PARD3B: variants seen among roughly 807,000 people sequenced by gnomAD.
The protein encoded by PARD3B is partitioning defective 3 homolog B.
Under a neutral mutation model 130.2 loss-of-function variants are expected in PARD3B, and 103 were observed. The observed-to-expected ratio is 0.79, with a 90% CI of 0.67 to 0.93. PARD3B has a LOEUF of 0.93. Ranked by LOEUF, PARD3B falls within the 40% of genes least tolerant of loss-of-function variation. PARD3B has a pLI of 0.00. For missense variants in PARD3B, 1,609 were observed against 1,499.2 expected (o/e 1.07, Z -1.21); for synonymous variants, 583 against 553.2 (o/e 1.05, Z -0.76).
chr2:205,246,937 C>G (rs2039598433), intron 16 of PARD3B, among the ~76,000 whole-genome samples: 1 of 152,178 alleles, frequency 6.6e-6, no homozygotes, highest in Non-Finnish European at 1.5e-5. Context: ...TCCCAACATC[C>G]TCTTCCATTA....
chr2:205,589,466 G>C lies in PARD3B; in HGVS notation c.3261-25990G>C, dbSNP rs1020441396. On this transcript the variant is annotated intron_variant, in intron 22 of 22. Coordinates refer to ENST00000406610, the MANE Select transcript of PARD3B (RefSeq NM_001302769.2). This position sits in a 1 kb window ranked among gnomAD's most constrained non-coding sequence, Gnocchi z 4.1. ...ATCTCAAATGCTGTCTCTAAACAGA[G>C]AGATGCAGACAGAGATGAGGAACTA... 6.6e-6 allele frequency among the ~76,000 whole-genome samples: 1 copy of C among 152,282 alleles called. No homozygotes were observed. Among genetic ancestry groups the C allele is most frequent in the South Asian group, 2.1e-4 (1 of 4,820 alleles).
chr2:204,865,890 T>C (rs530662799), intron 2 of PARD3B, among the ~76,000 whole-genome samples: 1 of 152,338 alleles, frequency 6.6e-6, no homozygotes, highest in East Asian at 1.9e-4. Flanking sequence ...ATTTATAAGC[T>C]ACATGGACCT....
At chr2:205,005,260 TAA>T (rs1456195553) in intron 3 of PARD3B, among the ~76,000 whole-genome samples, 1 of 152,038 alleles carries the variant, frequency 6.6e-6, no homozygotes, top group African/African-American at 2.4e-5. Context: ...GAAAATAATA[TAA>T]GTGTGAAGTA....
chr2:205,570,031 C>T (rs548515940), intron 22 of PARD3B, among the ~76,000 whole-genome samples: 1 of 152,040 alleles, frequency 6.6e-6, no homozygotes, highest in African/African-American at 2.4e-5. Flanking sequence ...TGGGAGTTGC[C>T]TTTTAATTTC....
At chr2:204,761,312 T>A (rs888152053) in intron 2 of PARD3B, among the ~76,000 whole-genome samples, 12 of 152,212 alleles carry the variant, frequency 7.9e-5, no homozygotes, top group Non-Finnish European at 1.3e-4. Flanking sequence ...AACCACATTT[T>A]ATGATCCTTG....
At chr2:205,472,305 ACTTTCT>A (rs2048863256) in intron 20 of PARD3B, among the ~76,000 whole-genome samples, 2 of 152,044 alleles carry the variant, frequency 1.3e-5, no homozygotes, top group Non-Finnish European at 2.9e-5. Flanking sequence ...ACACACACAC[ACTTTCT>A]CTTTAGTGCC....
At chr2:205,565,036 A>G (rs2878751) in intron 22 of PARD3B, among the ~76,000 whole-genome samples, 145,533 of 152,228 alleles carry the variant, frequency 0.96, 69,880 homozygotes, top group East Asian at 1. Flanking sequence ...CCAACAGTAC[A>G]CTCTGGGACA....
At chr2:204,694,206 G>A (rs2037501410) in intron 2 of PARD3B, among the ~76,000 whole-genome samples, 1 of 151,982 alleles carries the variant, frequency 6.6e-6, no homozygotes, top group Non-Finnish European at 1.5e-5. Flanking sequence ...AGATCAAGGT[G>A]AAATTGTATT....
intron 16 of PARD3B, among the ~76,000 whole-genome samples, chr2:205,262,656 A>G (rs549488797): frequency 1.0e-3 from 155 of 152,218 alleles, no homozygotes; most frequent in African/African-American, 3.6e-3. Context: ...TTTCTTGTGA[A>G]TTGTCTTCAG....
Position 205,461,366 on chromosome 2 carries a change from G to C in PARD3B, c.3044+20694G>C, listed in dbSNP as rs2048447634. The stretch of plus-strand genomic sequence containing the variant: ...TACCAACACCAAGCAAGAGGATAAA[G>C]AGCAGAGGCTTAGTAAATGGATGAG... On this transcript the variant is annotated intron_variant, in intron 20 of 22. Transcript: ENST00000406610. This position sits in a 1 kb window ranked among gnomAD's most constrained non-coding sequence, Gnocchi z 4.3. Among the ~76,000 whole-genome samples, 1 of 152,178 alleles carries C rather than the reference G, an allele frequency of 6.6e-6. No homozygotes were observed. The highest frequency in any genetic ancestry group is 6.5e-5 in the Admixed American group (1 of 15,284).
chr2:205,185,859 C>A lies in PARD3B; in HGVS notation c.2020C>A (p.His674Asn). 6.2e-7 allele frequency: 1 copy of A among 1,610,230 alleles called. No homozygotes were observed. Among genetic ancestry groups the A allele is most frequent in the Non-Finnish European group, 8.5e-7 (1 of 1,176,490 alleles). Residue 674 changes from histidine to asparagine, a missense_variant, in exon 14 of 23, where the codon CAC becomes AAC. By Grantham distance (68) the His-to-Asn change is moderately conservative. Coordinates refer to ENST00000406610, the MANE Select transcript of PARD3B (RefSeq NM_001302769.2). ...GGGATTGGGCCTCGAAGATTACAGC[C>A]ACAGGTATTGATAAAATGATGTATC... ...ALGLGLEDYS[H>N]SSGVDSAVYF... is the part of the protein sequence containing the mutation.
In PARD3B at chr2:204,603,107, G is replaced by C. The variant is rs982761791; in HGVS notation, c.120+56988G>C. 7.2e-4 allele frequency among the ~76,000 whole-genome samples: 109 copies of C among 152,124 alleles called. 1 individual carries two copies. Among genetic ancestry groups the C allele is most frequent in the Non-Finnish European group, 1.2e-4 (8 of 68,002 alleles). On this transcript the variant is annotated intron_variant, in intron 1 of 22. Coordinates refer to ENST00000406610, the MANE Select transcript of PARD3B (RefSeq NM_001302769.2). ...AAAAGAGCCTTCCTGCTCAGCACAG[G>C]AATGAGGAAGGGTAGATAGATGGAA... is the stretch of plus-strand genomic sequence containing the variant.
chr2:205,528,287 G>C, intron 21 of PARD3B, among the ~76,000 whole-genome samples: 1 of 152,128 alleles, frequency 6.6e-6, no homozygotes, highest in Non-Finnish European at 1.5e-5. Context: ...ACTTATTTAA[G>C]AAGTCATGCA....
chr2:205,475,492 G>A (rs972211083), intron 20 of PARD3B, among the ~76,000 whole-genome samples: 1 of 152,050 alleles, frequency 6.6e-6, no homozygotes, highest in Non-Finnish European at 1.5e-5. Flanking sequence ...CTTCATCATC[G>A]CAGAGAGCAA....
rs2051529505 is a variant in PARD3B, at chr2:205,530,232, A to G, written c.3181-23092A>G. 6.6e-6 allele frequency among the ~76,000 whole-genome samples: 1 copy of G among 152,174 alleles called. No individual in the cohort carries two copies. Among genetic ancestry groups the G allele is most frequent in the Non-Finnish European group, 1.5e-5 (1 of 68,040 alleles). ...CATTTATGTTTCTAGTGAAGTTTGG[A>G]GAAAACGTATTATCCTAATATGCTT... On this transcript the variant is annotated intron_variant, in intron 21 of 22. Coordinates refer to ENST00000406610, the MANE Select transcript of PARD3B (RefSeq NM_001302769.2). This position sits in a 1 kb window ranked among gnomAD's most constrained non-coding sequence, Gnocchi z 4.7.
At position 205,280,211 on chromosome 2, in the gene PARD3B, C is replaced by T. The variant is rs567517759; in HGVS notation, c.2186-20319C>T. The stretch of plus-strand genomic sequence containing the variant: ...AATAACAGTCACTACTCCTTTTTCC[C>T]GTGCATGAACTTTGGAACAGAAAAA... On this transcript the variant is annotated intron_variant, in intron 16 of 22. Transcript: ENST00000406610. The surrounding 1 kb of genome is among the most constrained non-coding windows in gnomAD (Gnocchi z 4.7). Among the ~76,000 whole-genome samples, 8 of 152,020 alleles carry T rather than the reference C, an allele frequency of 5.3e-5. No individual in the cohort carries two copies. Among genetic ancestry groups the T allele is most frequent in the Non-Finnish European group, 8.8e-5 (6 of 68,000 alleles).
At chr2:204,793,802 C>T (rs987259610) in intron 2 of PARD3B, among the ~76,000 whole-genome samples, 6 of 152,096 alleles carry the variant, frequency 3.9e-5, no homozygotes, top group South Asian at 2.1e-4. Context: ...CCACCACGCC[C>T]GGCCATCATT....
chr2:205,114,690 T>A (rs1274156903), intron 6 of PARD3B, among the ~76,000 whole-genome samples: 3 of 151,932 alleles, frequency 2.0e-5, no homozygotes, highest in Non-Finnish European at 4.4e-5. Context: ...TTAGTCATGG[T>A]ATTTTGGTTG....
chr2:205,275,045 G>A (rs1316563292), intron 16 of PARD3B, among the ~76,000 whole-genome samples: 1 of 152,088 alleles, frequency 6.6e-6, no homozygotes, highest in African/African-American at 2.4e-5. Context: ...TTGAATACAT[G>A]TTTAAACATA....
Sources: gnomAD v4.1 joint callset for allele counts (sites outside exome capture counted in the v4.1 genomes callset) on GRCh38, gnomAD v4.1.1 for gene constraint, Gnocchi (gnomAD v3.1) non-coding constraint, MANE v1.5 for transcripts, NCBI Gene and HGNC (gene_info 2026-07-23, HGNC 2026-07-21) for gene names.